The following PHEX variants were observed in gnomAD, a reference collection of about 807,000 sequenced individuals.
The protein encoded by PHEX is phosphate-regulating neutral endopeptidase PHEX.
Under a neutral mutation model 68.0 loss-of-function variants are expected in PHEX, and 16 were observed. The observed-to-expected ratio is 0.24, with a 90% confidence interval of 0.16 to 0.36. The LOEUF (loss-of-function observed/expected upper bound fraction) is 0.36. Ranked by LOEUF, PHEX falls within the 10% of genes least tolerant of loss-of-function variation. The pLI, the probability that PHEX is intolerant of heterozygous loss-of-function variation, is 1.00. For synonymous variants in PHEX, 208 were observed against 205.1 expected (o/e 1.01, Z -0.12); for missense variants, 480 against 575.5 (o/e 0.83, Z 1.70).
At chrX:22,056,126 T>C (rs1419456336) in intron 3 of PHEX, among the ~76,000 whole-genome samples, 2 of 112,405 alleles carry the variant, frequency 1.8e-5, no homozygotes, top group Non-Finnish European at 3.8e-5. Context: ...ATGCACAACA[T>C]TTTGATTGTA....
At chrX:22,121,790 G>A (rs1440661815) in intron 11 of PHEX, among the ~76,000 whole-genome samples, 1 of 111,660 alleles carries the variant, frequency 9.0e-6, no homozygotes, top group Non-Finnish European at 1.9e-5. Context: ...CCCAAGTAAT[G>A]CCATGGATGC....
chrX:22,166,166 T>G (rs1420278517), intron 12 of PHEX, among the ~76,000 whole-genome samples: 1 of 112,164 alleles, frequency 8.9e-6, no homozygotes, highest in Non-Finnish European at 1.9e-5. Flanking sequence ...TGATGTATCT[T>G]AAATTATTCT....
intron 5 of PHEX, among the ~76,000 whole-genome samples, chrX:22,084,244 C>T (rs1462036365): frequency 8.9e-6 from 1 of 111,800 alleles, no homozygotes; most frequent in African/African-American, 3.3e-5. Context: ...GCCTCAGCCT[C>T]CTGAGTAGCT....
intron 11 of PHEX, among the ~76,000 whole-genome samples, chrX:22,131,551 G>C (rs1372140521): frequency 8.9e-6 from 1 of 112,968 alleles, no homozygotes; most frequent in African/African-American, 3.2e-5. Context: ...TCTGCTGTTT[G>C]TTCTTATTTA....
At chrX:22,231,696 T>C (rs1935745536) in intron 20 of PHEX, among the ~76,000 whole-genome samples, 1 of 111,776 alleles carries the variant, frequency 8.9e-6, no homozygotes, top group South Asian at 3.7e-4. Context: ...TCTATCTGTG[T>C]TGTTGATCTT....
intron 12 of PHEX, among the ~76,000 whole-genome samples, chrX:22,133,879 C>A (rs1314022946): frequency 8.9e-6 from 1 of 112,155 alleles, no homozygotes; most frequent in Admixed American, 9.5e-5. Context: ...TAATTGCTGT[C>A]TGTAAGAGGC....
At chrX:22,143,334 G>T (rs1174287847) in intron 12 of PHEX, among the ~76,000 whole-genome samples, 1 of 111,802 alleles carries the variant, frequency 8.9e-6, no homozygotes, top group African/African-American at 3.3e-5. Context: ...ACAGTGATGG[G>T]CACTCCAAAT....
chrX:22,230,466 G>C (rs867267559), intron 20 of PHEX, among the ~76,000 whole-genome samples: 4 of 106,649 alleles, frequency 3.8e-5, no homozygotes, highest in African/African-American at 1.4e-4. Flanking sequence ...GCAGTGGTTT[G>C]TAGTTATCCT....
At chrX:22,131,194 T>C (rs1398324300) in intron 11 of PHEX, among the ~76,000 whole-genome samples, 20 of 110,146 alleles carry the variant, frequency 1.8e-4, no homozygotes, top group Non-Finnish European at 3.4e-4. Context: ...CGCCTGCTAC[T>C]ACACCCAGCT....
At chrX:22,139,507 G>A (rs928311732) in intron 12 of PHEX, among the ~76,000 whole-genome samples, 3 of 110,806 alleles carry the variant, frequency 2.7e-5, no homozygotes, top group African/African-American at 9.9e-5. Context: ...TTAAAGTCTC[G>A]CTCTGTTGCC....
At chrX:22,092,441 C>T (rs181612597) in intron 6 of PHEX, among the ~76,000 whole-genome samples, 41 of 111,424 alleles carry the variant, frequency 3.7e-4, no homozygotes, top group African/African-American at 1.3e-3. Flanking sequence ...GGCACAATCT[C>T]GACTCATTGC....
At chrX:22,139,922 C>T (rs1174395087) in intron 12 of PHEX, among the ~76,000 whole-genome samples, 2 of 110,964 alleles carry the variant, frequency 1.8e-5, no homozygotes, top group African/African-American at 3.3e-5. Context: ...ATGTAAATGT[C>T]ATTTAGGGGG....
chrX:22,184,994 G>GA (rs1281350482), intron 14 of PHEX, among the ~76,000 whole-genome samples: 1 of 111,975 alleles, frequency 8.9e-6, no homozygotes, highest in East Asian at 2.8e-4. Flanking sequence ...GAGTTGATAA[G>GA]AAAAATGTAA....
intron 15 of PHEX, among the ~76,000 whole-genome samples, chrX:22,209,723 TCTG>T (rs754644464): frequency 1.3e-3 from 82 of 62,639 alleles, no homozygotes; most frequent in Non-Finnish European, 1.9e-3. Flanking sequence ...CTCTGCTCCC[TCTG>T]CTCCCTCTGC....
At chrX:22,228,690 C>T (rs1935596438) in intron 20 of PHEX, among the ~76,000 whole-genome samples, 1 of 104,071 alleles carries the variant, frequency 9.6e-6, no homozygotes, top group South Asian at 4.1e-4. Flanking sequence ...AATTTTACAA[C>T]ATGTATTCCA....
chrX:22,239,526 C>T (rs1182858074), intron 20 of PHEX, among the ~76,000 whole-genome samples: 1 of 110,348 alleles, frequency 9.1e-6, no homozygotes, highest in African/African-American at 3.3e-5. Context: ...CTAGAATAAC[C>T]AGTTTAGAGG....
chrX:22,101,577 C>T (rs1056597445), intron 9 of PHEX, among the ~76,000 whole-genome samples: 4 of 111,675 alleles, frequency 3.6e-5, no homozygotes, highest in Non-Finnish European at 7.5e-5. Context: ...CTTAGGAAGC[C>T]AGACTCCTTT....
rs1936493719 is a variant in PHEX at position 22,249,450 on chromosome X, A to AT, written c.*1497_*1498insT. 5 of 40,843 alleles carry AT rather than the reference A, an allele frequency of 1.2e-4. No homozygotes were observed. Among genetic ancestry groups the AT allele is most frequent in the South Asian group, 2.7e-3 (2 of 747 alleles). 3.4% of individuals were successfully genotyped at this position (40,843 alleles called of 1,213,427 possible). On this transcript the variant is annotated 3_prime_UTR_variant, in exon 22 of 22. Transcript: ENST00000379374. ...GTGATTTGTGATTCTTTTAAAAAAA[A>AT]AAAAAATATATATATATATATATAT...
intron 3 of PHEX, among the ~76,000 whole-genome samples, chrX:22,068,494 A>G (rs1035793511): frequency 3.6e-5 from 4 of 112,132 alleles, no homozygotes; most frequent in Non-Finnish European, 7.5e-5. Flanking sequence ...TCTCACAGGA[A>G]AGCAACTTGC....
Sources: allele counts gnomAD v4.1 joint callset (sites outside exome capture counted in the v4.1 genomes callset), GRCh38; gene constraint gnomAD v4.1.1; transcripts MANE v1.5; gene names NCBI Gene and HGNC (gene_info 2026-07-23, HGNC 2026-07-21).